ZFP37: variants seen among roughly 807,000 people sequenced by gnomAD.
The protein encoded by ZFP37 is zinc finger protein 37 homolog.
Under a neutral mutation model 52.1 loss-of-function variants are expected in ZFP37, and 38 were observed. The observed-to-expected ratio is 0.73, with a 90% CI of 0.56 to 0.96. ZFP37 has a LOEUF of 0.96. Ranked by LOEUF, ZFP37 falls within the 40% of genes least tolerant of loss-of-function variation. The pLI, the probability that ZFP37 is intolerant of heterozygous loss-of-function variation, is 0.00. For synonymous variants in ZFP37, 253 were observed against 259.5 expected, an observed-to-expected ratio of 0.98 and a Z score of 0.24; for missense variants, 695 against 741.4, an observed-to-expected ratio of 0.94 and a Z score of 0.73.
chr9:113,039,927 T>C lies in ZFP37; in HGVS notation c.*2798A>G, dbSNP rs1828819685. The stretch of plus-strand genomic sequence containing the variant: ...AGCACAGGAATCCACTGGAAACTTA[T>C]TAAAATGCAAATTCTCAAGGCCCAC... On this transcript the variant is annotated 3_prime_UTR_variant, in exon 4 of 4. Transcript: ENST00000374227. The C allele has an allele frequency of 6.6e-6, 1 of 152,232 alleles. No individual in the cohort carries two copies. The highest frequency in any genetic ancestry group is 2.4e-5 in the African/African-American group (1 of 41,458). The allele number at this position is 152,232 out of a possible 1,614,324, so 9.4% of individuals were successfully genotyped here. A position where few individuals can be genotyped will look rare whatever the true frequency, so the allele number is the denominator to read the frequency against.
chr9:113,047,279 G>C (rs1450075789), intron 3 of ZFP37, among the ~76,000 whole-genome samples: 1 of 152,196 alleles, frequency 6.6e-6, no homozygotes, highest in African/African-American at 2.4e-5. Context: ...ACTCCATTGA[G>C]TCTCTTCATT....
chr9:113,040,606 A>T lies in ZFP37; in HGVS notation c.*2119T>A, dbSNP rs1460094939. On this transcript the variant is annotated 3_prime_UTR_variant, in exon 4 of 4. Transcript: ENST00000374227. The stretch of plus-strand genomic sequence containing the variant: ...ATGAGGTCAGGAAGGAAGGAGCTTG[A>T]ATGATAAATATTTGTAAAGATGGCA... 1 of 152,236 alleles carries T rather than the reference A, an allele frequency of 6.6e-6. No individual in the cohort carries two copies. The highest frequency in any genetic ancestry group is 1.5e-5 in the Non-Finnish European group (1 of 68,040). 9.4% of individuals were successfully genotyped at this position (152,236 alleles called of 1,614,324 possible).
intron 3 of ZFP37, 80 bp from the exon 4 acceptor site, chr9:113,044,348 TGTTGTAGG>T: frequency 7.6e-7 from 1 of 1,310,164 alleles, no homozygotes; most frequent in Non-Finnish European, 1.0e-6. Context: ...AGAAATGACC[TGTTGTAGG>T]GTTAAATTTT....
intron 3 of ZFP37, among the ~76,000 whole-genome samples, chr9:113,044,744 G>A (rs1382246686): frequency 1.3e-5 from 2 of 152,026 alleles, no homozygotes; most frequent in African/African-American, 4.8e-5. Flanking sequence ...TGTCCAACAA[G>A]ATTCTTTCTT....
Position 113,043,775 on chromosome 9 carries a change from A to C in ZFP37, c.843T>G (p.Thr281=), listed in dbSNP as rs1477433492. Residue 281 remains threonine (T), a synonymous_variant, in exon 4 of 4, where the codon ACT becomes ACG. Transcript: ENST00000374227. The part of the protein sequence containing the change: ...HEKSPSLSSS[T]KHEKPQACVK... ...CACAAGCTTGAGGTTTTTCATGCTTAGTAGATGAGCTAAGGCTGGGTGATT... is the reference window on the plus strand; with the variant it reads ...CACAAGCTTGAGGTTTTTCATGCTTCGTAGATGAGCTAAGGCTGGGTGATT... The C allele has an allele frequency of 2.5e-6, 4 of 1,614,056 alleles. No homozygotes were observed. The Admixed American group carries it at 6.7e-5, about 27-fold the overall frequency.
intron 1 of ZFP37, among the ~76,000 whole-genome samples, chr9:113,051,147 AAAATAC>A (rs1401272296): frequency 6.6e-6 from 1 of 152,220 alleles, no homozygotes; most frequent in Non-Finnish European, 1.5e-5. Flanking sequence ...AGAGCTATGA[AAAATAC>A]AACCAGTAAA....
chr9:113,049,395 T>C lies in ZFP37; in HGVS notation c.316A>G (p.Ile106Val), dbSNP rs1829015744. The change falls in exon 3 of 4, where the codon ATA becomes GTA. Residue 106 changes from isoleucine to valine, a missense_variant. Physicochemically the swap from Ile to Val is conservative, Grantham distance 29. Coordinates refer to ENST00000374227, the MANE Select transcript of ZFP37 (RefSeq NM_003408.3). ...KRPSQGCPSKIARPKQKETDG... is the reference protein window; with the variant it reads ...KRPSQGCPSKVARPKQKETDG... ...GTTTCTTTTTGCTTGGGTCTTGCTA[T>C]TTTACTTGGACAACCTTGACTGGGT... 2 of 1,613,984 alleles carry C rather than the reference T, an allele frequency of 1.2e-6. No individual in the cohort carries two copies. The highest frequency in any genetic ancestry group is 1.3e-5 in the African/African-American group (1 of 74,936).
Position 113,042,113 on chromosome 9 carries a change from TTTCACAC to T in ZFP37, c.*605_*611del, listed in dbSNP as rs1348656113. 1.3e-5 allele frequency: 2 copies of T among 152,256 alleles called. No individual in the cohort carries two copies. The highest frequency in any genetic ancestry group is 2.9e-5 in the Non-Finnish European group (2 of 68,068). The allele number at this position is 152,256 out of a possible 1,614,324, so 9.4% of individuals were successfully genotyped here. A position where few individuals can be genotyped will look rare whatever the true frequency, so the allele number is the denominator to read the frequency against. The stretch of plus-strand genomic sequence containing the variant: ...ATATACATGGTTCAGCAACCTACTT[TTTCACAC>T]TTCACAATATATCTTGAATATCGCT... On this transcript the variant is annotated 3_prime_UTR_variant, in exon 4 of 4. Coordinates refer to ENST00000374227, the MANE Select transcript of ZFP37 (RefSeq NM_003408.3).
intron 3 of ZFP37, among the ~76,000 whole-genome samples, chr9:113,048,351 G>T (rs1479935909): frequency 6.6e-6 from 1 of 152,114 alleles, no homozygotes; most frequent in Non-Finnish European, 1.5e-5. Flanking sequence ...TGCAAAGAGG[G>T]CAGATCTAAG....
At position 113,043,364 on chromosome 9, in the gene ZFP37, T is replaced by C; in HGVS notation, c.1254A>G (p.Ser418=). The C allele has an allele frequency of 1.2e-6, 2 of 1,614,142 alleles. No homozygotes were observed. The highest frequency in any genetic ancestry group is 1.7e-4 in the Middle Eastern group (1 of 6,058). ...KECGKSFRYN[S]SLTEHVRTHT... is the part of the protein sequence containing the mutation. ...GTGTTCTCACATGTTCGGTAAGAGA[T>C]GAGTTATACCTAAAAGACTTCCCAC... Residue 418 remains serine (S), a synonymous_variant, in exon 4 of 4, where the codon TCA becomes TCG. Coordinates refer to ENST00000374227, the MANE Select transcript of ZFP37 (RefSeq NM_003408.3).
rs188479432 is a variant in ZFP37, at chr9:113,042,535, A to T, written c.*190T>A. The T allele has an allele frequency of 6.0e-4, 268 of 447,374 alleles. 1 individual carries two copies. The highest frequency in any genetic ancestry group is 5.0e-3 in the African/African-American group (243 of 49,090). The allele number at this position is 447,374 out of a possible 1,614,324, so 27.7% of individuals were successfully genotyped here. A position where few individuals can be genotyped will look rare whatever the true frequency, so the allele number is the denominator to read the frequency against. ...GAGTAGTTAAAACAATATTTTTTAT[A>T]AAAGGTTTTGTATCAAGTTTAAACC... On this transcript the variant is annotated 3_prime_UTR_variant, in exon 4 of 4. Coordinates refer to ENST00000374227, the MANE Select transcript of ZFP37 (RefSeq NM_003408.3).
chr9:113,056,600 C>T lies in ZFP37; in HGVS notation c.89G>A (p.Arg30Gln), dbSNP rs1223567157. The change falls in exon 1 of 4, where the codon CGA becomes CAA. Residue 30 changes from arginine to glutamine, a missense_variant. This residue lies in a region of ZFP37 where 369 missense variants were observed against 340.9 expected (regional missense o/e 1.08). Transcript: ENST00000374227. ...CTCGGACACAGCCATCTCCAGTGGT[C>T]GCCCGGCCTCTTTGGTCGTTTCCGC... Reference protein sequence around the residue: ...RSAETTKEAGRPLEMAVSEPE... With the variant: ...RSAETTKEAGQPLEMAVSEPE... 1 of 1,613,946 alleles carries T rather than the reference C, an allele frequency of 6.2e-7. No homozygotes were observed. The highest frequency in any genetic ancestry group is 8.5e-7 in the Non-Finnish European group (1 of 1,180,032).
rs780702339 is a variant in ZFP37, at chr9:113,043,808, T to A, written c.810A>T (p.Lys270Asn). The A allele has an allele frequency of 8.7e-6, 14 of 1,614,060 alleles. No homozygotes were observed. In the South Asian group the frequency reaches 1.1e-4, roughly 13 times the overall value. ...AGCTAAGGCTGGGTGATTTCTCATG[T>A]TTCTCTCCAGTTTGAATTTTGTCCT... The part of the protein sequence containing the change: ...IKQDKIQTGE[K>N]HEKSPSLSSS... Residue 270 changes from lysine (K) to asparagine (N), a missense_variant, in exon 4 of 4, where the codon AAA becomes AAT. Around this residue, in one of 2 missense-constraint regions of ZFP37, gnomAD observed 369 missense variants for 340.9 expected, o/e 1.08. Coordinates refer to ENST00000374227, the MANE Select transcript of ZFP37 (RefSeq NM_003408.3).
Position 113,043,742 on chromosome 9 carries a change from G to A in ZFP37, c.876C>T (p.Pro292=), listed in dbSNP as rs1828898634. The stretch of plus-strand genomic sequence containing the variant: ...CCTTTCCACATTGATTACATTCATA[G>A]GGTTTCACACAAGCTTGAGGTTTTT... ...KHEKPQACVK[P]YECNQCGKVL... Residue 292 remains proline, a synonymous_variant, in exon 4 of 4, where the codon CCC becomes CCT. Coordinates refer to ENST00000374227, the MANE Select transcript of ZFP37 (RefSeq NM_003408.3). 6.2e-7 allele frequency: 1 copy of A among 1,613,860 alleles called. No individual in the cohort carries two copies. The highest frequency in any genetic ancestry group is 1.7e-5 in the Admixed American group (1 of 59,990).
At chr9:113,046,234 A>C (rs199886865) in intron 3 of ZFP37, among the ~76,000 whole-genome samples, 23 of 139,246 alleles carry the variant, frequency 1.7e-4, no homozygotes, top group African/African-American at 4.8e-4. Flanking sequence ...ATATATCTAT[A>C]TATATATAGA....
rs1055019758 is a variant in ZFP37 at position 113,039,828 on chromosome 9, T to C, written c.*2897A>G. ...CTTAAAGAGGATCTGAAAAACAGTT[T>C]AAAAATAATTTTTTAAACTTACTTA... On this transcript the variant is annotated 3_prime_UTR_variant, in exon 4 of 4. Coordinates refer to ENST00000374227, the MANE Select transcript of ZFP37 (RefSeq NM_003408.3). The C allele has an allele frequency of 1.3e-5, 2 of 152,152 alleles. No homozygotes were observed. The highest frequency in any genetic ancestry group is 2.4e-5 in the African/African-American group (1 of 41,418). The allele number at this position is 152,152 out of a possible 1,614,324, so 9.4% of individuals were successfully genotyped here.
chr9:113,043,447 T>A lies in ZFP37; in HGVS notation c.1171A>T (p.Asn391Tyr). The A allele has an allele frequency of 6.2e-7, 1 of 1,614,046 alleles. No individual in the cohort carries two copies. Among genetic ancestry groups the A allele is most frequent in the South Asian group, 1.1e-5 (1 of 91,076 alleles). ...TGAGATCTCACATGTTGAATAAGGT[T>A]TGAGCTGTGTCTGAAGGTTTTCCCA... is the stretch of plus-strand genomic sequence containing the variant. Reference protein sequence around the residue: ...ECGKTFRHSSNLIQHVRSHTG... With the variant: ...ECGKTFRHSSYLIQHVRSHTG... The change falls in exon 4 of 4, where the codon AAC becomes TAC. Residue 391 changes from asparagine (N) to tyrosine (Y), a missense_variant. Coordinates refer to ENST00000374227, the MANE Select transcript of ZFP37 (RefSeq NM_003408.3).
intron 1 of ZFP37, among the ~76,000 whole-genome samples, chr9:113,055,798 C>T (rs772265399): frequency 3.9e-5 from 6 of 152,172 alleles, no homozygotes; most frequent in Non-Finnish European, 7.4e-5. Flanking sequence ...TCCTGACCCC[C>T]TTAGACTTCT....
intron 3 of ZFP37, among the ~76,000 whole-genome samples, chr9:113,048,888 G>C (rs1364920515): frequency 6.7e-6 from 1 of 150,286 alleles, no homozygotes; most frequent in African/African-American, 2.4e-5. Context: ...TTACCATGTG[G>C]TTCCACTCAC....
Sources: allele counts gnomAD v4.1 joint callset (sites outside exome capture counted in the v4.1 genomes callset), GRCh38; gene constraint gnomAD v4.1.1; regional missense constraint gnomAD v4.1.1; transcripts MANE v1.5; gene names NCBI Gene and HGNC (gene_info 2026-07-23, HGNC 2026-07-21).